The following PANK1 variants were observed in gnomAD, a reference collection of about 807,000 sequenced individuals.
PANK1 encodes pantothenate kinase 1, also known as pantothenic acid kinase 1.
In PANK1, 18 loss-of-function variants were observed where a neutral mutation model predicts 40.1. That is an observed-to-expected ratio of 0.45 (90% CI 0.31 to 0.67). The LOEUF is 0.67. PANK1 is among the 30% of genes least tolerant of loss of function. PANK1 has a pLI of 0.06. For missense variants in PANK1, 457 were observed against 599.6 expected, an observed-to-expected ratio of 0.76 and a Z score of 2.48; for synonymous variants, 242 against 237.7, an observed-to-expected ratio of 1.02 and a Z score of -0.17.
downstream of PANK1, chr10:89,582,164 T>C (rs1241593579): frequency 1.3e-5 from 2 of 152,206 alleles, no homozygotes; most frequent in Non-Finnish European, 2.9e-5. Flanking sequence ...GCTTAGCATA[T>C]CTTTGAACTG....
chr10:89,640,641 C>A (rs1185071789), intron 1 of PANK1, among the ~76,000 whole-genome samples: 1 of 152,102 alleles, frequency 6.6e-6, no homozygotes, highest in African/African-American at 2.4e-5. Context: ...AGAAGTCAAG[C>A]CCTGATTAAT....
chr10:89,604,692 C>CACA (rs772340030), intron 2 of PANK1, among the ~76,000 whole-genome samples: 1 of 80,010 alleles, frequency 1.2e-5, no homozygotes, highest in Non-Finnish European at 2.3e-5. Flanking sequence ...AACTCCGTCT[C>CACA]AAAAAAAAAA....
At position 89,630,532 on chromosome 10, in the gene PANK1, A is replaced by G. The variant is rs571969829; in HGVS notation, c.292+14068T>C. Among the ~76,000 whole-genome samples, 5 of 148,016 alleles carry G rather than the reference A, an allele frequency of 3.4e-5. No homozygotes were observed. In the South Asian group the frequency reaches 8.5e-4, roughly 25 times the overall value. Reference sequence around the variant, plus strand: ...TTTTGAGACGGAGTCTCGCTCTGTCACCCAGGCTGGAGTGCAGCGGCGCGA... The same window carrying G: ...TTTTGAGACGGAGTCTCGCTCTGTCGCCCAGGCTGGAGTGCAGCGGCGCGA... On this transcript the variant is annotated intron_variant, in intron 1 of 6. Coordinates refer to ENST00000307534, the MANE Select transcript of PANK1 (RefSeq NM_148977.3).
chr10:89,621,123 G>C (rs1187417326), intron 1 of PANK1, among the ~76,000 whole-genome samples: 2 of 152,164 alleles, frequency 1.3e-5, no homozygotes, highest in Non-Finnish European at 2.9e-5. Flanking sequence ...CCAACACTGA[G>C]AAACCCTGTC....
At chr10:89,600,554 A>G (rs1263631991) in intron 2 of PANK1, among the ~76,000 whole-genome samples, 1 of 152,266 alleles carries the variant, frequency 6.6e-6, no homozygotes, top group Non-Finnish European at 1.5e-5. Context: ...CTTGGCAAAT[A>G]CAAAGCATTC....
At chr10:89,634,099 AG>A (rs1841732614) in intron 1 of PANK1, among the ~76,000 whole-genome samples, 1 of 152,218 alleles carries the variant, frequency 6.6e-6, no homozygotes, top group Non-Finnish European at 1.5e-5. Context: ...AGTTATAGGG[AG>A]ACAGATTTTG....
intron 2 of PANK1, among the ~76,000 whole-genome samples, chr10:89,609,301 C>G (rs1845080578): frequency 6.6e-6 from 1 of 152,154 alleles, no homozygotes; most frequent in Admixed American, 6.5e-5. Context: ...TGGCCTCAAG[C>G]AATCCACCCG....
At chr10:89,590,749 T>C (rs1008540145) in intron 5 of PANK1, among the ~76,000 whole-genome samples, 1 of 152,118 alleles carries the variant, frequency 6.6e-6, no homozygotes, top group East Asian at 1.9e-4. Flanking sequence ...AATGAAGCAA[T>C]TTAAAATATA....
At chr10:89,612,178 T>TG in intron 1 of PANK1, 130 bp from the exon 2 acceptor site, 1 of 809,442 alleles carries the variant, frequency 1.2e-6, no homozygotes, top group Non-Finnish European at 1.9e-6. Context: ...TTTATTTGAA[T>TG]TCAACTATAT....
intron 3 of PANK1, among the ~76,000 whole-genome samples, chr10:89,598,177 CT>C (rs1844667692): frequency 6.6e-6 from 1 of 152,314 alleles, no homozygotes; most frequent in East Asian, 1.9e-4. Context: ...CAAACATGTC[CT>C]GGGGGACACT....
chr10:89,644,157 G>A (rs1219697516), intron 1 of PANK1, among the ~76,000 whole-genome samples: 1 of 152,154 alleles, frequency 6.6e-6, no homozygotes, highest in Non-Finnish European at 1.5e-5. Context: ...GTGATTCAAA[G>A]GGCAGGCAAC....
At chr10:89,588,872 A>AC in intron 5 of PANK1, 95 bp from the exon 6 acceptor site, 2 of 776,904 alleles carry the variant, frequency 2.6e-6, no homozygotes, top group Non-Finnish European at 3.7e-6. Context: ...CAGAACCTTG[A>AC]AGAGTGAATA....
intron 6 of PANK1, among the ~76,000 whole-genome samples, chr10:89,587,607 A>G (rs1321617098): frequency 1.3e-5 from 2 of 152,226 alleles, no homozygotes; most frequent in Non-Finnish European, 2.9e-5. Context: ...GGTGCATAAT[A>G]TTGTAGATTA....
intron 6 of PANK1, among the ~76,000 whole-genome samples, chr10:89,587,067 G>A (rs549702012): frequency 2.8e-4 from 42 of 152,044 alleles, no homozygotes; most frequent in Non-Finnish European, 3.4e-4. Context: ...AGGTAGCAGT[G>A]AGCCAAGATT....
chr10:89,631,974 G>T lies in PANK1; in HGVS notation c.292+12626C>A, dbSNP rs972523803. Among the ~76,000 whole-genome samples, 21 of 78,558 alleles carry T rather than the reference G, an allele frequency of 2.7e-4. No homozygotes were observed. The South Asian group carries it at 2.8e-3, about 11-fold the overall frequency. The allele number at this position is 78,558 out of a possible 152,430, so 51.5% of individuals were successfully genotyped here. The stretch of plus-strand genomic sequence containing the variant: ...TAACAGATTGTGTGTGTGTGTGTGT[G>T]TGTTTTTTTTTTTAAAAAGGGTTCT... On this transcript the variant is annotated intron_variant, in intron 1 of 6. Coordinates refer to ENST00000307534, the MANE Select transcript of PANK1 (RefSeq NM_148977.3).
chr10:89,599,859 A>T (rs2133943292), intron 2 of PANK1, among the ~76,000 whole-genome samples: 1 of 152,276 alleles, frequency 6.6e-6, no homozygotes, highest in East Asian at 1.9e-4. Context: ...TTGCAGATCT[A>T]ATTAAGTATC....
In PANK1 at chr10:89,593,219, G is replaced by A; in HGVS notation, c.1178C>T (p.Ala393Val). The change falls in exon 5 of 7, where the codon GCT becomes GTT. Residue 393 changes from alanine to valine, a missense_variant. This residue lies in a region of PANK1 where 286 missense variants were observed against 415.8 expected (regional missense o/e 0.69). Transcript: ENST00000307534. Reference sequence around the variant, plus strand: ...TACCTCATTCAACGCGCACATCCGAGCAATGGAGCCAATGTTGTTGGTGAT... The same window carrying A: ...TACCTCATTCAACGCGCACATCCGAACAATGGAGCCAATGTTGTTGGTGAT... ...VTITNNIGSIARMCALNENID... is the reference protein window; with the variant it reads ...VTITNNIGSIVRMCALNENID... The A allele has an allele frequency of 6.2e-7, 1 of 1,613,798 alleles. No homozygotes were observed. Among genetic ancestry groups the A allele is most frequent in the Non-Finnish European group, 8.5e-7 (1 of 1,179,740 alleles).
rs1845166779 is a variant in PANK1, at chr10:89,611,887, G to A, written c.454C>T (p.Arg152Ter). The stretch of plus-strand genomic sequence containing the variant: ...TTTTTCAGTTCCAGGTGGACGTCTC[G>A]GATCCCAGTTTTCCCATAAGCAGTA... ...SNTAYGKTGI[R>*]DVHLELKNLT... is the part of the protein sequence containing the mutation. Residue 152 changes from arginine to a stop codon, truncating the protein, a stop_gained, in exon 2 of 7, where the codon CGA (arginine) becomes TGA (stop). Coordinates refer to ENST00000307534, the MANE Select transcript of PANK1 (RefSeq NM_148977.3). LOFTEE classifies it high-confidence loss of function. 1.9e-6 allele frequency: 3 copies of A among 1,614,130 alleles called. No homozygotes were observed. The highest frequency in any genetic ancestry group is 2.5e-6 in the Non-Finnish European group (3 of 1,180,028).
At chr10:89,604,633 G>A (rs1454121540) in intron 2 of PANK1, among the ~76,000 whole-genome samples, 1 of 142,726 alleles carries the variant, frequency 7.0e-6, no homozygotes, top group African/African-American at 2.6e-5. Flanking sequence ...GGCAGGTGTT[G>A]CAGTGAGCCG....
Sources: gnomAD v4.1 joint callset for allele counts (sites outside exome capture counted in the v4.1 genomes callset) on GRCh38, gnomAD v4.1.1 for gene constraint, gnomAD v4.1.1 regional missense constraint, MANE v1.5 for transcripts, NCBI Gene and HGNC (gene_info 2026-07-23, HGNC 2026-07-21) for gene names.